Variants in NCOR2 observed in about 807,000 individuals in gnomAD.
NCOR2 encodes CTG repeat protein 26.
Under a neutral mutation model 262.9 loss-of-function variants are expected in NCOR2, and 81 were observed. That is an observed-to-expected ratio of 0.31 (90% confidence interval 0.26 to 0.37). The LOEUF (loss-of-function observed/expected upper bound fraction) is 0.37, where lower values mean the gene tolerates loss of function less well. Among genes scored for constraint, NCOR2 ranks in the 10% least tolerant of loss-of-function variants. NCOR2 has a pLI of 1.00. For missense variants in NCOR2, 3,385 were observed against 3,621.4 expected, an observed-to-expected ratio of 0.93 and a Z score of 1.68; for synonymous variants, 1,659 against 1,559.3, an observed-to-expected ratio of 1.06 and a Z score of -1.51.
At chr12:124,499,883 G>C (rs951709291), upstream of NCOR2, among the ~76,000 whole-genome samples, 2 of 152,168 alleles carry the variant, frequency 1.3e-5, no homozygotes, top group African/African-American at 4.8e-5. Context: ...AAATGTCCAA[G>C]AGAGGGGACA....
intron 37 of NCOR2, among the ~76,000 whole-genome samples, chr12:124,338,131 G>A (rs2036047747): frequency 6.6e-6 from 1 of 152,216 alleles, no homozygotes; most frequent in Non-Finnish European, 1.5e-5. Flanking sequence ...GGGGAGGTAT[G>A]ACTTCAGGCA....
chr12:124,538,715 C>T (rs565572587), upstream of NCOR2: 856 of 153,902 alleles, frequency 5.6e-3, 8 homozygotes, highest in Non-Finnish European at 7.7e-3. Context: ...CTGGGCGCAG[C>T]GAGGTGGGAG....
intron 7 of NCOR2, among the ~76,000 whole-genome samples, chr12:124,449,251 C>T (rs1046086046): frequency 3.9e-5 from 6 of 152,152 alleles, no homozygotes; most frequent in Non-Finnish European, 8.8e-5. Flanking sequence ...CTCCTAGCAC[C>T]GGTCTGGGAA....
chr12:124,386,154 G>A (rs1388110094), intron 16 of NCOR2, among the ~76,000 whole-genome samples: 1 of 152,190 alleles, frequency 6.6e-6, no homozygotes, highest in Non-Finnish European at 1.5e-5. Flanking sequence ...GGCCTGGGCT[G>A]GAGGAGCCAA....
At chr12:124,337,901 G>A (rs1157490550) in intron 37 of NCOR2, among the ~76,000 whole-genome samples, 2 of 152,236 alleles carry the variant, frequency 1.3e-5, no homozygotes, top group African/African-American at 4.8e-5. Context: ...CTACCTCCCA[G>A]AGCCTCATTC....
chr12:124,520,223 C>T (rs943915310), intron 1 of NCOR2, among the ~76,000 whole-genome samples: 2 of 152,184 alleles, frequency 1.3e-5, no homozygotes, highest in African/African-American at 4.8e-5. Flanking sequence ...CTTACGCCTT[C>T]TTTTATAGGT....
At chr12:124,415,558 C>CA (rs2042814979) in intron 13 of NCOR2, among the ~76,000 whole-genome samples, 2 of 152,260 alleles carry the variant, frequency 1.3e-5, no homozygotes, top group South Asian at 4.1e-4. Context: ...TTAGCAAACG[C>CA]AGCTGATCCG....
chr12:124,403,677 A>G (rs989127731), intron 13 of NCOR2, among the ~76,000 whole-genome samples: 1 of 152,208 alleles, frequency 6.6e-6, no homozygotes, highest in African/African-American at 2.4e-5. Flanking sequence ...AAGAACTCCA[A>G]GCAGATGGAA....
chr12:124,340,806 G>GC, intron 34 of NCOR2, 55 bp from the exon 37 acceptor site: 1 of 1,432,304 alleles, frequency 7.0e-7, no homozygotes, highest in African/African-American at 1.4e-5. Context: ...AGGCCAGGCT[G>GC]CCCACCGGCC....
chr12:124,420,101 AT>A (rs1297332125), intron 12 of NCOR2, 46 bp from the exon 15 acceptor site: 6 of 1,529,266 alleles, frequency 3.9e-6, no homozygotes, highest in Non-Finnish European at 5.4e-6. Flanking sequence ...CAGCACAGGC[AT>A]TCAGGGCAGG....
intron 33 of NCOR2, 46 bp downstream of exon 35, chr12:124,342,959 C>G: frequency 2.5e-6 from 4 of 1,595,052 alleles, no homozygotes; most frequent in Non-Finnish European, 3.4e-6. Flanking sequence ...GGTCCGTGGC[C>G]CTGTTCAGCA....
chr12:124,341,127 G>A (rs1242380450), intron 34 of NCOR2, among the ~76,000 whole-genome samples: 1 of 152,224 alleles, frequency 6.6e-6, no homozygotes, highest in African/African-American at 2.4e-5. Context: ...GCCCCAGCTA[G>A]AACTTGGTTA....
intron 1 of NCOR2, among the ~76,000 whole-genome samples, chr12:124,534,782 G>C (rs2051038755): frequency 6.6e-6 from 1 of 152,174 alleles, no homozygotes; most frequent in Non-Finnish European, 1.5e-5. Flanking sequence ...ATCTGGGACA[G>C]GTGACCAACC....
At position 124,473,052 on chromosome 12, in the gene NCOR2, G is replaced by A. The variant is rs748959229; in HGVS notation, c.491C>T (p.Pro164Leu). The A allele has an allele frequency of 3.4e-5, 55 of 1,614,114 alleles. No individual in the cohort carries two copies. The highest frequency in any genetic ancestry group is 4.5e-5 in the Non-Finnish European group (53 of 1,180,030). Reference sequence around the variant, plus strand: ...CAGCTCCTCCTTGGACAGCCGTGGCGGCACCAGCTCCAGCTCAGGGTCAGT... The same window carrying A: ...CAGCTCCTCCTTGGACAGCCGTGGCAGCACCAGCTCCAGCTCAGGGTCAGT... The change falls in exon 4 of 47, where the codon CCG (proline) becomes CTG (leucine). Residue 164 changes from proline (P) to leucine (L), a missense_variant. This residue lies in a region of NCOR2 where 237 missense variants were observed against 229.4 expected (regional missense o/e 1.03). Coordinates refer to ENST00000405201, the Ensembl canonical transcript of NCOR2.
Position 124,481,206 on chromosome 12 carries a change from G to C in NCOR2, c.411+2390C>G, listed in dbSNP as rs2047459953. 6.6e-6 allele frequency among the ~76,000 whole-genome samples: 1 copy of C among 151,800 alleles called. No homozygotes were observed. The highest frequency in any genetic ancestry group is 2.4e-5 in the African/African-American group (1 of 41,300). On this transcript the variant is annotated intron_variant, in intron 3 of 46. Coordinates refer to ENST00000405201, the Ensembl canonical transcript of NCOR2. This position sits in a 1 kb window ranked among gnomAD's most constrained non-coding sequence, Gnocchi z 4.6. ...GAAGGAGAGAAGGAAGGGGAGGAAG[G>C]GCAGGAAGGATGTGCTGGAAGGGTT... is the stretch of plus-strand genomic sequence containing the variant.
intron 17 of NCOR2, among the ~76,000 whole-genome samples, chr12:124,381,678 C>T (rs972866452): frequency 2.6e-5 from 4 of 152,252 alleles, no homozygotes; most frequent in African/African-American, 7.2e-5. Flanking sequence ...AGGCCAGCTT[C>T]AAACATTTCG....
chr12:124,484,801 T>C (rs1225843446), intron 2 of NCOR2, among the ~76,000 whole-genome samples: 4 of 152,214 alleles, frequency 2.6e-5, no homozygotes, highest in African/African-American at 9.7e-5. Flanking sequence ...AGGTGTTTCC[T>C]GGCCACCTCC....
At chr12:124,332,168 G>C in intron 43 of NCOR2, 151 bp downstream of exon 45, 1 of 937,188 alleles carries the variant, frequency 1.1e-6, no homozygotes. Flanking sequence ...CCAAATGTGA[G>C]GCAAAGGGCC....
chr12:124,373,007 C>T (rs989723518), intron 19 of NCOR2, among the ~76,000 whole-genome samples: 10 of 152,246 alleles, frequency 6.6e-5, no homozygotes, highest in South Asian at 6.2e-4. Context: ...GCACTGGCTG[C>T]GTGCCACGGG....
Sources: gnomAD v4.1 joint callset for allele counts (sites outside exome capture counted in the v4.1 genomes callset) on GRCh38, gnomAD v4.1.1 for gene constraint, gnomAD v4.1.1 regional missense constraint, Gnocchi (gnomAD v3.1) non-coding constraint, MANE v1.5 for transcripts, NCBI Gene and HGNC (gene_info 2026-07-23, HGNC 2026-07-21) for gene names.